RHBDL2: variants seen among roughly 807,000 people sequenced by gnomAD.
RHBDL2 encodes rhomboid like 2, also known as rhomboid-related protein 2.
In RHBDL2, 26 loss-of-function variants were observed where a neutral mutation model predicts 31.7. The observed-to-expected ratio is 0.82, with a 90% CI of 0.60 to 1.14. The LOEUF (loss-of-function observed/expected upper bound fraction) is 1.14, where lower values mean the gene tolerates loss of function less well. Ranked by LOEUF, RHBDL2 falls within the 50% of genes most tolerant of loss-of-function variation. RHBDL2 has a pLI of 0.00. For missense variants in RHBDL2, 336 were observed against 364.4 expected (o/e 0.92, Z 0.63); for synonymous variants, 123 against 127.2 (o/e 0.97, Z 0.22).
chr1:38,916,087 G>A (rs542438256), intron 2 of RHBDL2, among the ~76,000 whole-genome samples: 2 of 152,314 alleles, frequency 1.3e-5, no homozygotes, highest in East Asian at 3.9e-4. Context: ...GTAGGTCAAT[G>A]CTGGCTTCCG....
In RHBDL2 at chr1:38,905,596, A is replaced by AT. The variant is rs149520094; in HGVS notation, c.508+5725_508+5726insA. ...GAAACCCTGTCTCTACAGGAAAAAA[A>AT]AAAAAAATTAGCTGGGTGTGGTACT... is the stretch of plus-strand genomic sequence containing the variant. On this transcript the variant is annotated intron_variant, in intron 4 of 7. Coordinates refer to ENST00000372990, the MANE Select transcript of RHBDL2 (RefSeq NM_017821.5). Among the ~76,000 whole-genome samples, 1,419 of 151,040 alleles carry AT rather than the reference A, an allele frequency of 9.4e-3. 25 individuals are homozygous for AT. The highest frequency in any genetic ancestry group is 0.03 in the African/African-American group (1,248 of 41,228).
intron 1 of RHBDL2, among the ~76,000 whole-genome samples, chr1:38,925,097 A>G (rs1240863628): frequency 6.6e-6 from 1 of 152,044 alleles, no homozygotes; most frequent in African/African-American, 2.4e-5. Context: ...AGATTTCTAT[A>G]AAGAGATTTA....
At chr1:38,937,226 G>A (rs551763005) in intron 1 of RHBDL2, among the ~76,000 whole-genome samples, 4 of 152,248 alleles carry the variant, frequency 2.6e-5, no homozygotes, top group South Asian at 2.1e-4. Flanking sequence ...GATTACAGGC[G>A]TGAGCCACCG....
chr1:38,929,342 G>T, intron 1 of RHBDL2: 1 of 1,230,998 alleles, frequency 8.1e-7, no homozygotes, highest in Non-Finnish European at 1.1e-6. Flanking sequence ...AAGCGTCCAG[G>T]ACGGGAAAAG....
At chr1:38,893,534 T>C (rs1448307156) in intron 5 of RHBDL2, among the ~76,000 whole-genome samples, 1 of 152,206 alleles carries the variant, frequency 6.6e-6, no homozygotes, top group African/African-American at 2.4e-5. Context: ...AAATAAATGC[T>C]GTTAAACTAA....
chr1:38,919,073 C>A lies in RHBDL2; in HGVS notation c.140G>T (p.Arg47Met). Reference protein sequence around the residue: ...KDRAKSKKVHRIVSKWMLPEK... With the variant: ...KDRAKSKKVHMIVSKWMLPEK... Reference sequence around the variant, plus strand: ...GGGCAGCATCCATTTTGAGACAATCCTGTGGACCTTTTTACTCTTGGCCCG... The same window carrying A: ...GGGCAGCATCCATTTTGAGACAATCATGTGGACCTTTTTACTCTTGGCCCG... Residue 47 changes from arginine (R) to methionine (M), a missense_variant, in exon 2 of 8, where the codon AGG becomes ATG. By Grantham distance (91) the Arg-to-Met change is moderately conservative. Coordinates refer to ENST00000372990, the MANE Select transcript of RHBDL2 (RefSeq NM_017821.5). The A allele has an allele frequency of 6.2e-7, 1 of 1,614,180 alleles. No homozygotes were observed. The highest frequency in any genetic ancestry group is 8.5e-7 in the Non-Finnish European group (1 of 1,180,042).
intron 4 of RHBDL2, among the ~76,000 whole-genome samples, chr1:38,903,267 G>T (rs1398712821): frequency 1.3e-5 from 2 of 151,290 alleles, no homozygotes; most frequent in African/African-American, 4.9e-5. Context: ...AGCCTCCCAA[G>T]TAGCTGGGAT....
At chr1:38,925,693 A>C (rs1418921890) in intron 1 of RHBDL2, among the ~76,000 whole-genome samples, 1 of 152,150 alleles carries the variant, frequency 6.6e-6, no homozygotes, top group Non-Finnish European at 1.5e-5. Context: ...ATTTGTAGCC[A>C]AAAAACAAAG....
At chr1:38,895,058 A>T (rs4388668) in intron 5 of RHBDL2, among the ~76,000 whole-genome samples, 52,779 of 151,984 alleles carry the variant, frequency 0.35, 10,654 homozygotes, top group Non-Finnish European at 0.45. Context: ...AATCACCCCA[A>T]ATTTTTTTCA....
chr1:38,905,009 C>T (rs1411431487), intron 4 of RHBDL2, among the ~76,000 whole-genome samples: 2 of 149,688 alleles, frequency 1.3e-5, no homozygotes, highest in East Asian at 2.0e-4. Context: ...CCAGCCTGGG[C>T]AACAGAGCGA....
chr1:38,936,625 G>C (rs1439677157), intron 1 of RHBDL2, among the ~76,000 whole-genome samples: 1 of 150,164 alleles, frequency 6.7e-6, no homozygotes, highest in East Asian at 2.0e-4. Context: ...TCAGCCTCCC[G>C]AATAGCCGGG....
intron 6 of RHBDL2, among the ~76,000 whole-genome samples, chr1:38,892,000 C>G (rs911898203): frequency 1.3e-5 from 2 of 152,196 alleles, no homozygotes; most frequent in Admixed American, 6.5e-5. Context: ...CTTCCATGCT[C>G]TATGGCCTGC....
At chr1:38,906,014 C>T (rs1034703897) in intron 4 of RHBDL2, among the ~76,000 whole-genome samples, 1 of 151,198 alleles carries the variant, frequency 6.6e-6, no homozygotes, top group African/African-American at 2.4e-5. Context: ...TTGCAGTGAG[C>T]CAAGATCGTG....
intron 6 of RHBDL2, among the ~76,000 whole-genome samples, chr1:38,891,038 G>A (rs2124300654): frequency 6.6e-6 from 1 of 152,146 alleles, no homozygotes; most frequent in South Asian, 2.1e-4. Context: ...GGAGGCTGAG[G>A]TGAGTGGATC....
intron 1 of RHBDL2, chr1:38,926,045 G>C: frequency 8.0e-7 from 1 of 1,253,444 alleles, no homozygotes; most frequent in South Asian, 1.3e-5. Flanking sequence ...AGTTTTCTTG[G>C]GGAATTTATC....
intron 3 of RHBDL2, 83 bp downstream of exon 3, chr1:38,915,479 C>A: frequency 7.2e-7 from 1 of 1,384,452 alleles, no homozygotes; most frequent in South Asian, 1.3e-5. Flanking sequence ...AGTGCCTTAT[C>A]AATAATAAAG....
At chr1:38,915,506 G>C (rs754620219) in intron 3 of RHBDL2, 56 bp downstream of exon 3, 1 of 1,562,408 alleles carries the variant, frequency 6.4e-7, no homozygotes, top group Non-Finnish European at 8.8e-7. Flanking sequence ...ACAAATGTTA[G>C]AGGTTACAAT....
chr1:38,888,075 C>A lies in RHBDL2; in HGVS notation c.671-51G>T. 3.1e-6 allele frequency: 4 copies of A among 1,284,856 alleles called. No individual in the cohort carries two copies. In the East Asian group the frequency reaches 6.9e-5, roughly 22 times the overall value. The allele number at this position is 1,284,856 out of a possible 1,614,324, so 79.6% of individuals were successfully genotyped here. Reference sequence around the variant, plus strand: ...GGCTCAGAATCTCCACAGTAGTACACCAAATGTTTTTGGTTCCCCTCTAAT... The same window carrying A: ...GGCTCAGAATCTCCACAGTAGTACAACAAATGTTTTTGGTTCCCCTCTAAT... On this transcript the variant is annotated intron_variant, in intron 6 of 7. Transcript: ENST00000372990.
intron 4 of RHBDL2, among the ~76,000 whole-genome samples, chr1:38,910,753 C>CTTTTTTTTTTTTTTTTTTTTTTTTT (rs765064879): frequency 9.0e-6 from 1 of 111,076 alleles, no homozygotes; most frequent in Non-Finnish European, 1.8e-5. Context: ...TATTCCTTTT[C>CTTTTTTTTTTTTTTTTTTTTTTTTT]TTTTTTTTTT....
Sources: allele counts gnomAD v4.1 joint callset (sites outside exome capture counted in the v4.1 genomes callset), GRCh38; gene constraint gnomAD v4.1.1; transcripts MANE v1.5; gene names NCBI Gene and HGNC (gene_info 2026-07-23, HGNC 2026-07-21).